The following KHDC4 variants were observed in gnomAD, a reference collection of about 807,000 sequenced individuals.
KHDC4 encodes the protein KH domain containing 4, pre-mRNA splicing factor.
Under a neutral mutation model 74.5 loss-of-function variants are expected in KHDC4, and 19 were observed. The ratio of observed to expected loss-of-function variants is 0.26; its 90% CI spans 0.18 to 0.37. The LOEUF is 0.37. Ranked by LOEUF, KHDC4 falls within the 10% of genes least tolerant of loss-of-function variation. The pLI, the probability that KHDC4 is intolerant of heterozygous loss-of-function variation, is 1.00. For missense variants in KHDC4, 632 were observed against 754.1 expected, an observed-to-expected ratio of 0.84 and a Z score of 1.90; for synonymous variants, 253 against 266.1, an observed-to-expected ratio of 0.95 and a Z score of 0.48.
rs777475014 is a variant in KHDC4, at chr1:155,933,773, T to C, written c.115A>G (p.Thr39Ala). The C allele has an allele frequency of 8.1e-6, 13 of 1,600,282 alleles. No homozygotes were observed. The highest frequency in any genetic ancestry group is 5.4e-5 in the African/African-American group (4 of 74,706). The change falls in exon 2 of 14, where the codon ACC becomes GCC. Residue 39 changes from threonine (T) to alanine (A), a missense_variant. By Grantham distance (58) the Thr-to-Ala change is moderately conservative. This residue lies in a region of KHDC4 where 104 missense variants were observed against 78.1 expected (regional missense o/e 1.33). Transcript: ENST00000368321. ...CCCCCAGGACTTCCCCCACTGCTGG[T>C]GACCTCCCCACCTGGGGCCGCTGGC... ...LPPAAPGGEV[T>A]SSGGSPGGTT...
rs1284774446 is a variant in KHDC4 at position 155,924,837 on chromosome 1, G to T, written c.893+795C>A. Among the ~76,000 whole-genome samples the T allele has an allele frequency of 8.6e-5, 13 of 151,322 alleles. No homozygotes were observed. The East Asian group carries it at 2.5e-3, about 30-fold the overall frequency. ...GATCCGCCTGCCTCGGCCTCCCAAAGTGCTGGGATTACAGGTGTGAGCCAC... is the reference window on the plus strand; with the variant it reads ...GATCCGCCTGCCTCGGCCTCCCAAATTGCTGGGATTACAGGTGTGAGCCAC... On this transcript the variant is annotated intron_variant, in intron 7 of 13. Transcript: ENST00000368321.
chr1:155,913,068 A>G lies in KHDC4; in HGVS notation c.*1053T>C, dbSNP rs1673663520. 6.6e-6 allele frequency: 1 copy of G among 152,662 alleles called. No individual in the cohort carries two copies. Among genetic ancestry groups the G allele is most frequent in the African/African-American group, 2.4e-5 (1 of 41,452 alleles). The allele number at this position is 152,662 out of a possible 1,614,324, so 9.5% of individuals were successfully genotyped here. On this transcript the variant is annotated 3_prime_UTR_variant, in exon 14 of 14. Coordinates refer to ENST00000368321, the MANE Select transcript of KHDC4 (RefSeq NM_014949.4). ...CAGAATATTTATAGATTTATTTATA[A>G]TGAAATTATGGTCTAAATATTTACA...
intron 10 of KHDC4, among the ~76,000 whole-genome samples, chr1:155,919,248 A>C (rs1248280408): frequency 2.6e-5 from 4 of 152,084 alleles, no homozygotes; most frequent in Non-Finnish European, 5.9e-5. Context: ...GATTACAGCT[A>C]CATGAGCCAC....
rs552289126 is a variant in KHDC4 at position 155,921,435 on chromosome 1, G to T, written c.1206C>A (p.Val402=). Residue 402 remains valine (V), a synonymous_variant, in exon 10 of 14, where the codon GTC becomes GTA. Coordinates refer to ENST00000368321, the MANE Select transcript of KHDC4 (RefSeq NM_014949.4). ...PGVLPALPTG[V]PPVPTQYPIT... is the part of the protein sequence containing the mutation. ...TCGGGTATTGTGTTGGCACAGGTGG[G>T]ACTCCAGTAGGTAATGCCGGCAAGA... 1 of 1,614,160 alleles carries T rather than the reference G, an allele frequency of 6.2e-7. No individual in the cohort carries two copies. The highest frequency in any genetic ancestry group is 2.2e-5 in the East Asian group (1 of 44,880).
At position 155,929,786 on chromosome 1, in the gene KHDC4, C is replaced by T; in HGVS notation, c.310G>A (p.Val104Ile). The T allele has an allele frequency of 6.2e-7, 1 of 1,612,386 alleles. No homozygotes were observed. Among genetic ancestry groups the T allele is most frequent in the Non-Finnish European group, 8.5e-7 (1 of 1,179,258 alleles). Residue 104 changes from valine to isoleucine, a missense_variant, in exon 3 of 14, where the codon GTA becomes ATA. By Grantham distance (29) the Val-to-Ile change is conservative. This residue lies in a region of KHDC4 where 233 missense variants were observed against 342.6 expected (regional missense o/e 0.68). Transcript: ENST00000368321. ...TSNKSKDDLV[V>I]AEVEINDVPL... ...ACATCATTAATTTCTACTTCAGCTA[C>T]CACCAGGTCATCCTTGCTTTTATTG... is the stretch of plus-strand genomic sequence containing the variant.
At chr1:155,918,400 T>C (rs542819437) in intron 10 of KHDC4, among the ~76,000 whole-genome samples, 10 of 151,462 alleles carry the variant, frequency 6.6e-5, no homozygotes, top group African/African-American at 1.9e-4. Flanking sequence ...GCACAACTAA[T>C]TTTTTTTTGT....
intron 9 of KHDC4, 49 bp downstream of exon 9, chr1:155,921,812 A>ATGTG: frequency 7.0e-7 from 1 of 1,436,360 alleles, no homozygotes. Context: ...ATAGTTACAC[A>ATGTG]TAACTATCAC....
intron 7 of KHDC4, 44 bp from the exon 8 acceptor site, chr1:155,923,731 A>T (rs1363825402): frequency 7.0e-7 from 1 of 1,419,254 alleles, no homozygotes; most frequent in South Asian, 1.2e-5. Context: ...AAAAATAAAT[A>T]AAAGATGCAG....
At chr1:155,931,969 T>TA (rs1407033588) in intron 2 of KHDC4, among the ~76,000 whole-genome samples, 1 of 152,204 alleles carries the variant, frequency 6.6e-6, no homozygotes, top group Non-Finnish European at 1.5e-5. Flanking sequence ...ATCAGTCGAA[T>TA]ATGGTAGCCA....
intron 4 of KHDC4, among the ~76,000 whole-genome samples, chr1:155,927,834 ACACACACAC>A (rs1674046347): frequency 2.9e-4 from 3 of 10,270 alleles, no homozygotes; most frequent in African/African-American, 6.4e-4. Flanking sequence ...AAAAAAAACC[ACACACACAC>A]ACACACACAC....
chr1:155,930,322 C>T (rs1164052870), intron 2 of KHDC4, among the ~76,000 whole-genome samples: 2 of 152,138 alleles, frequency 1.3e-5, no homozygotes, highest in Non-Finnish European at 1.5e-5. Flanking sequence ...TCTTCATAAA[C>T]GAATTAACAA....
intron 8 of KHDC4, among the ~76,000 whole-genome samples, chr1:155,923,183 C>A (rs1242999628): frequency 9.9e-5 from 14 of 141,080 alleles, no homozygotes; most frequent in African/African-American, 3.2e-4. Context: ...CCAGCCTGGG[C>A]GACAGAAAAA....
chr1:155,923,586 C>T (rs1453463429), intron 8 of KHDC4, 41 bp downstream of exon 8: 2 of 1,445,090 alleles, frequency 1.4e-6, no homozygotes, highest in Non-Finnish European at 1.9e-6. Flanking sequence ...TCCAAAATGG[C>T]AATTGCTCTT....
chr1:155,921,026 G>A (rs1294017404), intron 10 of KHDC4, among the ~76,000 whole-genome samples: 1 of 152,102 alleles, frequency 6.6e-6, no homozygotes, highest in Admixed American at 6.5e-5. Context: ...TATTATCCAC[G>A]GGCTGCTTCT....
chr1:155,934,221 C>G (rs569483188), intron 1 of KHDC4, 115 bp downstream of exon 1: 1 of 1,131,392 alleles, frequency 8.8e-7, no homozygotes, highest in Non-Finnish European at 1.3e-6. Context: ...CCCAAACGTC[C>G]AGCCCTTTAC....
chr1:155,928,100 C>T (rs1285007472), intron 4 of KHDC4, among the ~76,000 whole-genome samples: 3 of 152,068 alleles, frequency 2.0e-5, no homozygotes, highest in Non-Finnish European at 2.9e-5. Context: ...GGGCTGGGCA[C>T]GGTGGCTCAT....
chr1:155,925,676 T>C lies in KHDC4; in HGVS notation c.849A>G (p.Pro283=). Residue 283 remains proline (P), a synonymous_variant, in exon 7 of 14, where the codon CCA becomes CCG. Coordinates refer to ENST00000368321, the MANE Select transcript of KHDC4 (RefSeq NM_014949.4). ...LRGKGSGCIE[P]ASGREAFEPM... ...GTTCAAAAGCTTCTCGGCCAGATGC[T>C]GGCTCAATGCAGCCTGAACCTTTGC... 6.2e-7 allele frequency: 1 copy of C among 1,614,222 alleles called. No individual in the cohort carries two copies. The highest frequency in any genetic ancestry group is 8.5e-7 in the Non-Finnish European group (1 of 1,180,048).
At chr1:155,919,944 G>A (rs1171539886) in intron 10 of KHDC4, 1 of 516,244 alleles carries the variant, frequency 1.9e-6, no homozygotes, top group Admixed American at 1.9e-5. Flanking sequence ...ACAGCCCACA[G>A]GTAAGGGGAC....
intron 3 of KHDC4, 38 bp from the exon 4 acceptor site, chr1:155,929,413 T>C (rs1276851898): frequency 3.9e-6 from 6 of 1,519,436 alleles, no homozygotes; most frequent in East Asian, 4.5e-5. Context: ...AATGTGGCAA[T>C]TGGTTGATTT....
Sources: allele counts gnomAD v4.1 joint callset (sites outside exome capture counted in the v4.1 genomes callset), GRCh38; gene constraint gnomAD v4.1.1; regional missense constraint gnomAD v4.1.1; transcripts MANE v1.5; gene names NCBI Gene and HGNC (gene_info 2026-07-23, HGNC 2026-07-21).